The following CSTF3 variants were observed in gnomAD, a reference collection of about 807,000 sequenced individuals.
CSTF3 encodes CF-1 77 kDa subunit.
CSTF3 carries 29 observed loss-of-function variants against 105.8 expected under a neutral mutation model. That is an observed-to-expected ratio of 0.27 (90% CI 0.20 to 0.37). CSTF3 has a LOEUF of 0.37. CSTF3 is among the 10% of genes least tolerant of loss of function. The pLI is 1.00. For synonymous variants in CSTF3, 252 were observed against 281.9 expected (o/e 0.89, Z 1.06); for missense variants, 357 against 879.3 (o/e 0.41, Z 7.51).
At chr11:33,114,431 AT>A (rs1855410509) in intron 3 of CSTF3, among the ~76,000 whole-genome samples, 1 of 151,118 alleles carries the variant, frequency 6.6e-6, no homozygotes. Context: ...GTTTCCTCAA[AT>A]TCAATTTTTT....
intron 18 of CSTF3, 71 bp downstream of exon 18, chr11:33,086,917 A>G: frequency 5.8e-6 from 9 of 1,557,688 alleles, no homozygotes; most frequent in Non-Finnish European, 8.0e-6. Context: ...ATGTCACTTT[A>G]CCCCCACGCT....
chr11:33,152,726 C>T (rs1342340179), intron 1 of CSTF3, among the ~76,000 whole-genome samples: 2 of 151,994 alleles, frequency 1.3e-5, no homozygotes, highest in Non-Finnish European at 2.9e-5. Context: ...TTTGGGAGGC[C>T]GAGGTGGGCG....
Position 33,161,439 on chromosome 11 carries a change from G to T in CSTF3, c.-114C>A. The T allele has an allele frequency of 1.8e-6, 2 of 1,108,966 alleles. No individual in the cohort carries two copies. Among genetic ancestry groups the T allele is most frequent in the South Asian group, 1.3e-5 (1 of 78,284 alleles). The allele number at this position is 1,108,966 out of a possible 1,614,324, so 68.7% of individuals were successfully genotyped here. On this transcript the variant is annotated 5_prime_UTR_variant, in exon 1 of 21. In the 5' UTR this introduces an upstream ATG that the reference lacks. Coordinates refer to ENST00000323959, the MANE Select transcript of CSTF3 (RefSeq NM_001326.3). ...AGTTACCCCCTGCCCAGCTGAGCCA[G>T]ACCGCCAACACCAATCGCCACCGCC...
At chr11:33,110,958 T>C (rs536306867) in intron 3 of CSTF3, among the ~76,000 whole-genome samples, 1 of 152,220 alleles carries the variant, frequency 6.6e-6, no homozygotes, top group South Asian at 2.1e-4. Flanking sequence ...AGGCCGGGCA[T>C]GGTGGCTCAC....
chr11:33,111,593 A>T (rs1855379611), intron 3 of CSTF3, among the ~76,000 whole-genome samples: 1 of 152,222 alleles, frequency 6.6e-6, no homozygotes, highest in East Asian at 1.9e-4. Flanking sequence ...GGATGCAAAA[A>T]TAGAGACAAG....
chr11:33,147,161 G>A (rs1855794401), intron 1 of CSTF3, among the ~76,000 whole-genome samples: 1 of 152,020 alleles, frequency 6.6e-6, no homozygotes, highest in Non-Finnish European at 1.5e-5. Flanking sequence ...GCCAGGCGTG[G>A]TGGCAGGCAC....
At chr11:33,141,304 A>G (rs1855708069) in intron 3 of CSTF3, 1 of 293,416 alleles carries the variant, frequency 3.4e-6, no homozygotes, top group Admixed American at 5.8e-5. Context: ...ACATTTCTGT[A>G]TTTTCATATA....
chr11:33,088,294 T>G (rs1474551695), intron 17 of CSTF3, among the ~76,000 whole-genome samples: 3 of 151,546 alleles, frequency 2.0e-5, no homozygotes, highest in African/African-American at 7.3e-5. Context: ...ACTCTCTTTT[T>G]TTTTTTTTTT....
chr11:33,135,402 GC>G, intron 3 of CSTF3, among the ~76,000 whole-genome samples: 1 of 152,230 alleles, frequency 6.6e-6, no homozygotes, highest in Admixed American at 6.5e-5. Context: ...TTCAATTACT[GC>G]CCTGCAAAGC....
chr11:33,135,731 A>G (rs1255875129), intron 3 of CSTF3, among the ~76,000 whole-genome samples: 1 of 152,158 alleles, frequency 6.6e-6, no homozygotes, highest in Non-Finnish European at 1.5e-5. Flanking sequence ...ATTTCCAGGG[A>G]AACCATCATC....
chr11:33,109,474 C>T (rs555620206), intron 3 of CSTF3, among the ~76,000 whole-genome samples: 12 of 152,248 alleles, frequency 7.9e-5, no homozygotes, highest in East Asian at 3.9e-4. Flanking sequence ...AATTTTAGCA[C>T]ACACTTAAAC....
At chr11:33,126,018 C>T (rs10836024) in intron 3 of CSTF3, among the ~76,000 whole-genome samples, 31,512 of 152,010 alleles carry the variant, frequency 0.21, 3,898 homozygotes, top group East Asian at 0.35. Context: ...CTGCTAGTCT[C>T]CTTCATAGTA....
chr11:33,108,449 TAC>T (rs1855347701), intron 3 of CSTF3, 31 bp from the exon 4 acceptor site: 6 of 1,426,436 alleles, frequency 4.2e-6, no homozygotes, highest in African/African-American at 1.5e-5. Flanking sequence ...ATAGAATTAA[TAC>T]TATTTTTTTA....
intron 1 of CSTF3, among the ~76,000 whole-genome samples, chr11:33,151,718 T>C (rs1269400234): frequency 6.6e-6 from 1 of 152,236 alleles, no homozygotes; most frequent in Non-Finnish European, 1.5e-5. Flanking sequence ...CTTGGATATA[T>C]ACCTAGAAAT....
At chr11:33,150,896 T>C (rs893168164) in intron 1 of CSTF3, among the ~76,000 whole-genome samples, 1 of 152,032 alleles carries the variant, frequency 6.6e-6, no homozygotes, top group African/African-American at 2.4e-5. Context: ...AAGCATATTA[T>C]GTATTTAAGC....
chr11:33,159,858 C>A (rs1164559477), intron 1 of CSTF3, among the ~76,000 whole-genome samples: 1 of 152,104 alleles, frequency 6.6e-6, no homozygotes, highest in African/African-American at 2.4e-5. Context: ...GTGTTCACTG[C>A]ACTTTTCTTT....
At chr11:33,108,243 TA>T in intron 4 of CSTF3, 142 bp downstream of exon 4, 2 of 878,734 alleles carry the variant, frequency 2.3e-6, no homozygotes, top group Non-Finnish European at 3.2e-6. Context: ...TTCAAGCATA[TA>T]AAAAAGCTGA....
chr11:33,101,120 G>A lies in CSTF3; in HGVS notation c.826+1057C>T, dbSNP rs1855276661. The stretch of plus-strand genomic sequence containing the variant: ...ATATGGCTTTTCCCTTCAAACGCAT[G>A]CCCATGTTGTGCACTTCTGGGATAG... On this transcript the variant is annotated intron_variant, in intron 10 of 20. Coordinates refer to ENST00000323959, the MANE Select transcript of CSTF3 (RefSeq NM_001326.3). 2.0e-5 allele frequency among the ~76,000 whole-genome samples: 3 copies of A among 152,278 alleles called. 1 individual carries two copies. Among genetic ancestry groups the A allele is most frequent in the Admixed American group, 1.3e-4 (2 of 15,304 alleles).
At chr11:33,124,224 A>G (rs905686762) in intron 3 of CSTF3, among the ~76,000 whole-genome samples, 1 of 152,122 alleles carries the variant, frequency 6.6e-6, no homozygotes, top group African/African-American at 2.4e-5. Context: ...ACAAACTGGT[A>G]AAGTCCAGAG....
Sources: allele counts gnomAD v4.1 joint callset (sites outside exome capture counted in the v4.1 genomes callset), GRCh38; gene constraint gnomAD v4.1.1; transcripts MANE v1.5; gene names NCBI Gene and HGNC (gene_info 2026-07-23, HGNC 2026-07-21).